Variants in CAP2 observed in about 807,000 individuals in gnomAD.
CAP2 encodes the protein adenylyl cyclase-associated protein 2.
Under a neutral mutation model 57.7 loss-of-function variants are expected in CAP2, and 24 were observed. The ratio of observed to expected loss-of-function variants is 0.42; its 90% CI spans 0.30 to 0.58. CAP2 has a LOEUF of 0.58. CAP2 is among the 20% of genes least tolerant of loss of function. The probability of loss-of-function intolerance (pLI) is 0.22; values close to 1 mark genes in which losing one functional copy is unlikely to be tolerated. For synonymous variants in CAP2, 194 were observed against 207.2 expected (o/e 0.94, Z 0.55); for missense variants, 501 against 590.3 (o/e 0.85, Z 1.57).
At chr6:17,425,804 T>C (rs999974795) in intron 2 of CAP2, among the ~76,000 whole-genome samples, 4 of 152,094 alleles carry the variant, frequency 2.6e-5, no homozygotes, top group African/African-American at 4.8e-5. Flanking sequence ...TTAATAAACA[T>C]TGATGGAGAT....
chr6:17,422,912 T>G lies in CAP2; in HGVS notation c.121+1236T>G, dbSNP rs114086372. ...GAATTTCAGATAAAGAACACTTTTT[T>G]GGGGGGTATAAGGATGTCCCAAATA... On this transcript the variant is annotated intron_variant, in intron 2 of 12. Transcript: ENST00000229922. Among the ~76,000 whole-genome samples, 389 of 152,328 alleles carry G rather than the reference T, an allele frequency of 2.6e-3. 3 individuals carry two copies. The highest frequency in any genetic ancestry group is 8.1e-3 in the African/African-American group (337 of 41,576).
chr6:17,461,541 T>A (rs1300847594), intron 3 of CAP2, among the ~76,000 whole-genome samples: 4 of 152,130 alleles, frequency 2.6e-5, no homozygotes, highest in African/African-American at 9.6e-5. Flanking sequence ...CTTTGAAACT[T>A]TCTGCATTTA....
intron 1 of CAP2, among the ~76,000 whole-genome samples, chr6:17,406,921 T>G (rs898149138): frequency 6.6e-6 from 1 of 152,092 alleles, no homozygotes; most frequent in African/African-American, 2.4e-5. Flanking sequence ...AATTCTGATT[T>G]AAGGTCGACC....
At chr6:17,396,415 G>A (rs1250855866) in intron 1 of CAP2, among the ~76,000 whole-genome samples, 1 of 152,222 alleles carries the variant, frequency 6.6e-6, no homozygotes, top group Non-Finnish European at 1.5e-5. Context: ...ATCAGTTGAT[G>A]AGTGGATAAA....
chr6:17,551,491 A>G lies in CAP2; in HGVS notation c.1237A>G (p.Ile413Val), dbSNP rs1427423068. 1 of 1,608,870 alleles carries G rather than the reference A, an allele frequency of 6.2e-7. No individual in the cohort carries two copies. Among genetic ancestry groups the G allele is most frequent in the Non-Finnish European group, 8.5e-7 (1 of 1,176,950 alleles). Residue 413 changes from isoleucine (I) to valine (V), a missense_variant, in exon 12 of 13, where the codon ATT becomes GTT. Ile to Val is a conservative substitution (Grantham distance 29). Transcript: ENST00000229922. ...AATGGGGAGAGTGCCAACAATTTCC[A>G]TTAATAAGACAGAAGGTTGCCACAT... ...QVMGRVPTIS[I>V]NKTEGCHIYL...
chr6:17,403,732 G>A (rs1758875260), intron 1 of CAP2, among the ~76,000 whole-genome samples: 1 of 152,128 alleles, frequency 6.6e-6, no homozygotes, highest in Non-Finnish European at 1.5e-5. Flanking sequence ...ACTTCTGTAG[G>A]GCAAGAAGCG....
intron 1 of CAP2, among the ~76,000 whole-genome samples, chr6:17,394,154 G>A (rs1219864050): frequency 2.0e-5 from 3 of 146,802 alleles, no homozygotes; most frequent in Non-Finnish European, 3.0e-5. Context: ...CGGGCTGTGA[G>A]TCTTCCAGGG....
chr6:17,538,587 C>A (rs1295798346), intron 7 of CAP2, among the ~76,000 whole-genome samples: 1 of 152,196 alleles, frequency 6.6e-6, no homozygotes, highest in African/African-American at 2.4e-5. Context: ...ATAAGAATAA[C>A]CATAGCTCTT....
At chr6:17,542,577 C>T (rs756524009) in intron 9 of CAP2, among the ~76,000 whole-genome samples, 1 of 152,184 alleles carries the variant, frequency 6.6e-6, no homozygotes, top group African/African-American at 2.4e-5. Flanking sequence ...GCTCTCACAT[C>T]CCTGCTCCAG....
chr6:17,491,126 AC>A (rs2113635115), intron 4 of CAP2, among the ~76,000 whole-genome samples: 1 of 152,108 alleles, frequency 6.6e-6, no homozygotes, highest in African/African-American at 2.4e-5. Flanking sequence ...TTCTTCTAGC[AC>A]CCTTGCATTG....
chr6:17,426,829 C>A (rs1208594061), intron 3 of CAP2, 139 bp downstream of exon 3: 1 of 642,290 alleles, frequency 1.6e-6, no homozygotes, highest in East Asian at 2.8e-5. Context: ...CTAAAACATT[C>A]ATTTACCCAT....
At chr6:17,522,109 A>G (rs1762406617) in intron 7 of CAP2, among the ~76,000 whole-genome samples, 1 of 152,088 alleles carries the variant, frequency 6.6e-6, no homozygotes, top group South Asian at 2.1e-4. Context: ...ACTCTGTCTC[A>G]AAAAAGACAA....
chr6:17,398,026 C>T (rs1303611995), intron 1 of CAP2, among the ~76,000 whole-genome samples: 10 of 152,114 alleles, frequency 6.6e-5, no homozygotes, highest in Non-Finnish European at 1.2e-4. Context: ...TTAGATCTGA[C>T]ATTCTGACTT....
At chr6:17,439,683 C>G (rs1415965136) in intron 3 of CAP2, among the ~76,000 whole-genome samples, 1 of 151,534 alleles carries the variant, frequency 6.6e-6, no homozygotes, top group East Asian at 1.9e-4. Context: ...AGCACACAAC[C>G]TAGATCCCTC....
chr6:17,518,947 T>A (rs1385243004), intron 7 of CAP2, among the ~76,000 whole-genome samples: 1 of 152,150 alleles, frequency 6.6e-6, no homozygotes, highest in African/African-American at 2.4e-5. Flanking sequence ...CCAGAGGTTT[T>A]TCAAAAAAAC....
intron 3 of CAP2, among the ~76,000 whole-genome samples, chr6:17,429,283 T>C (rs1264686477): frequency 1.3e-5 from 2 of 152,228 alleles, no homozygotes; most frequent in African/African-American, 2.4e-5. Context: ...ATTTTCTGTC[T>C]TGAACACTAT....
chr6:17,507,632 T>C lies in CAP2; in HGVS notation c.445-9T>C. The C allele has an allele frequency of 1.3e-6, 2 of 1,560,152 alleles. No individual in the cohort carries two copies. Among genetic ancestry groups the C allele is most frequent in the Middle Eastern group, 1.8e-4 (1 of 5,620 alleles). ...CTTCTATGCTTGGGTGACGGTCCTGTTTTCTCAGTCTCCCAAACCTGGTCC... is the reference window on the plus strand; with the variant it reads ...CTTCTATGCTTGGGTGACGGTCCTGCTTTCTCAGTCTCCCAAACCTGGTCC... On this transcript the variant is annotated splice_polypyrimidine_tract_variant and intron_variant, in intron 5 of 12. Coordinates refer to ENST00000229922, the MANE Select transcript of CAP2 (RefSeq NM_006366.3).
intron 7 of CAP2, among the ~76,000 whole-genome samples, chr6:17,530,442 C>T (rs1451306466): frequency 6.6e-6 from 1 of 152,068 alleles, no homozygotes; most frequent in African/African-American, 2.4e-5. Context: ...TCACTGCTAC[C>T]TAGAGATCAT....
chr6:17,488,558 T>TA (rs532622070), intron 4 of CAP2, among the ~76,000 whole-genome samples: 84 of 151,514 alleles, frequency 5.5e-4, no homozygotes, highest in African/African-American at 1.8e-3. Context: ...ATCTTGGTTT[T>TA]AAAAAAAAAC....
Sources: allele counts gnomAD v4.1 joint callset (sites outside exome capture counted in the v4.1 genomes callset), GRCh38; gene constraint gnomAD v4.1.1; transcripts MANE v1.5; gene names NCBI Gene and HGNC (gene_info 2026-07-23, HGNC 2026-07-21).